UCKL1: variants seen among roughly 807,000 people sequenced by gnomAD.
UCKL1 encodes the protein uridine-cytidine kinase-like 1.
Under a neutral mutation model 59.2 loss-of-function variants are expected in UCKL1, and 65 were observed. The ratio of observed to expected loss-of-function variants is 1.10; its 90% CI spans 0.90 to 1.35. The LOEUF is 1.35. Among genes scored for constraint, UCKL1 ranks in the 40% most tolerant of loss-of-function variants. The probability of loss-of-function intolerance (pLI) is 0.00; values close to 1 mark genes in which losing one functional copy is unlikely to be tolerated. For missense variants in UCKL1, 703 were observed against 784.3 expected (o/e 0.90, Z 1.24); for synonymous variants, 410 against 323.1 (o/e 1.27, Z -2.88).
chr20:63,941,094 C>G lies in UCKL1; in HGVS notation c.1022+16G>C. 2 of 1,599,230 alleles carry G rather than the reference C, an allele frequency of 1.3e-6. No homozygotes were observed. The highest frequency in any genetic ancestry group is 1.7e-6 in the Non-Finnish European group (2 of 1,174,310). ...GCACGCGCCCGGGGCCGCCCCGTCC[C>G]CAGGTGGGCCCTCACCTGATGATGG... On this transcript the variant is annotated intron_variant, in intron 9 of 14. Transcript: ENST00000354216.
intron 1 of UCKL1, among the ~76,000 whole-genome samples, chr20:63,952,916 A>G (rs941926648): frequency 6.6e-6 from 1 of 152,262 alleles, no homozygotes; most frequent in African/African-American, 2.4e-5. Flanking sequence ...CAGATGCCTC[A>G]TCGGTGATCA....
Position 63,944,712 on chromosome 20 carries a change from A to C in UCKL1, c.677T>G (p.Val226Gly). 6.2e-7 allele frequency: 1 copy of C among 1,612,774 alleles called. No homozygotes were observed. The highest frequency in any genetic ancestry group is 1.1e-5 in the South Asian group (1 of 91,084). ...LLELLDMKIFVDTDSDIRLVR... is the reference protein window; with the variant it reads ...LLELLDMKIFGDTDSDIRLVR... ...CAGGCGGATGTCGGAGTCTGTGTCC[A>C]CAAAGATCTTCATGTCCAGGAGCTG... The change falls in exon 6 of 15, where the codon GTG becomes GGG. Residue 226 changes from valine to glycine, a missense_variant. Coordinates refer to ENST00000354216, the MANE Select transcript of UCKL1 (RefSeq NM_017859.4).
intron 1 of UCKL1, among the ~76,000 whole-genome samples, chr20:63,949,142 A>G (rs1406336729): frequency 1.3e-5 from 2 of 152,186 alleles, no homozygotes; most frequent in Non-Finnish European, 2.9e-5. Flanking sequence ...TGCCACCATC[A>G]GGGGAGTGAG....
intron 1 of UCKL1, among the ~76,000 whole-genome samples, chr20:63,952,056 C>T (rs2057718961): frequency 6.6e-6 from 1 of 152,210 alleles, no homozygotes; most frequent in Admixed American, 6.5e-5. Flanking sequence ...TGGGAGCTGC[C>T]TCAGAGGCAG....
At chr20:63,945,350 G>A (rs1174734664) in intron 5 of UCKL1, among the ~76,000 whole-genome samples, 1 of 150,652 alleles carries the variant, frequency 6.6e-6, no homozygotes, top group East Asian at 1.9e-4. Context: ...CCAGCCCTGG[G>A]TCCTCACCTG....
chr20:63,944,474 G>GGGGCGGGTGACCGGGGGCT lies in UCKL1; in HGVS notation c.845-35_845-17dup, dbSNP rs2055582875. 6.3e-7 allele frequency: 1 copy of GGGGCGGGTGACCGGGGGCT among 1,577,748 alleles called. No homozygotes were observed. Among genetic ancestry groups the GGGGCGGGTGACCGGGGGCT allele is most frequent in the Admixed American group, 1.8e-5 (1 of 55,462 alleles). On this transcript the variant is annotated splice_polypyrimidine_tract_variant and intron_variant, in intron 6 of 14. Transcript: ENST00000354216. The stretch of plus-strand genomic sequence containing the variant: ...TTGCCGCTCCCTGGGGCGGGATGGG[G>GGGGCGGGTGACCGGGGGCT]GGGCGGGTGACCGGGGGCTGGGCCG...
rs750279872 is a variant in UCKL1 at position 63,944,738 on chromosome 20, G to T, written c.655-4C>A. On this transcript the variant is annotated splice_region_variant and splice_polypyrimidine_tract_variant and intron_variant, in intron 5 of 14. Transcript: ENST00000354216. ...CAAAGATCTTCATGTCCAGGAGCTG[G>T]TGGAGACAGCGGGCCAGTGAGTGGC... The T allele has an allele frequency of 6.8e-6, 11 of 1,612,124 alleles. No individual in the cohort carries two copies. The highest frequency in any genetic ancestry group is 6.8e-6 in the Non-Finnish European group (8 of 1,179,904).
At chr20:63,941,071 A>G (rs765928719) in intron 9 of UCKL1, 28 bp from the exon 10 acceptor site, 4 of 1,600,280 alleles carry the variant, frequency 2.5e-6, no homozygotes, top group Non-Finnish European at 3.4e-6. Context: ...GAGCGGGAGC[A>G]CGCGCCCGGG....
chr20:63,943,624 A>T, intron 8 of UCKL1, 29 bp downstream of exon 8: 1 of 1,612,614 alleles, frequency 6.2e-7, no homozygotes, highest in African/African-American at 1.3e-5. Flanking sequence ...AAGTGCCTCC[A>T]TCTGTGCAGA....
chr20:63,945,622 C>A, intron 5 of UCKL1, 29 bp downstream of exon 5: 1 of 1,610,218 alleles, frequency 6.2e-7, no homozygotes, highest in Non-Finnish European at 8.5e-7. Flanking sequence ...GAGATACCAG[C>A]GGGGTGGGTA....
At chr20:63,942,783 T>G (rs2054980180) in intron 8 of UCKL1, 1 of 457,294 alleles carries the variant, frequency 2.2e-6, no homozygotes, top group Admixed American at 2.4e-5. Flanking sequence ...TTTCCAAGTT[T>G]GAAACCCTGG....
At position 63,946,156 on chromosome 20, in the gene UCKL1, C is replaced by T. The variant is rs2056131435; in HGVS notation, c.411+5G>A. ...GGTCCTCGGGGGAGCTGGGCGGGGG[C>T]CCACCTTGTAGAAGGAGTCCATGGA... On this transcript the variant is annotated splice_donor_5th_base_variant and intron_variant, in intron 3 of 14. Transcript: ENST00000354216. 4 of 1,611,552 alleles carry T rather than the reference C, an allele frequency of 2.5e-6. No homozygotes were observed. The highest frequency in any genetic ancestry group is 1.6e-4 in the Middle Eastern group (1 of 6,080).
chr20:63,952,550 A>G lies in UCKL1; in HGVS notation c.113+3710T>C, dbSNP rs567803749. ...GGGAGGGGTAGCCTGCCCTGGTCCTATTCACTGGTGTTCCTCCCAGGTTCT... is the reference window on the plus strand; with the variant it reads ...GGGAGGGGTAGCCTGCCCTGGTCCTGTTCACTGGTGTTCCTCCCAGGTTCT... On this transcript the variant is annotated intron_variant, in intron 1 of 14. Coordinates refer to ENST00000354216, the MANE Select transcript of UCKL1 (RefSeq NM_017859.4). Among the ~76,000 whole-genome samples, 7 of 152,256 alleles carry G rather than the reference A, an allele frequency of 4.6e-5. No individual in the cohort carries two copies. The South Asian group carries it at 1.5e-3, about 32-fold the overall frequency.
intron 8 of UCKL1, among the ~76,000 whole-genome samples, chr20:63,943,419 G>C (rs534306281): frequency 6.6e-6 from 1 of 152,184 alleles, no homozygotes; most frequent in African/African-American, 2.4e-5. Context: ...AGCAAAGTCT[G>C]GCCAGGACAG....
chr20:63,956,020 T>G, intron 1 of UCKL1: 1 of 385,008 alleles, frequency 2.6e-6, no homozygotes, highest in South Asian at 4.3e-5. Flanking sequence ...ACGCTGGGGG[T>G]GCGCACCCGG....
At chr20:63,947,669 G>A (rs183182670) in intron 1 of UCKL1, among the ~76,000 whole-genome samples, 21 of 152,356 alleles carry the variant, frequency 1.4e-4, no homozygotes, top group Non-Finnish European at 2.1e-4. Flanking sequence ...TTCTTGCTGT[G>A]GCCCCTCCTG....
In UCKL1 at chr20:63,940,455, T is replaced by C; in HGVS notation, c.1333A>G (p.Ser445Gly). Reference protein sequence around the residue: ...LHYLRLPKDISDDHVILMDCT... With the variant: ...LHYLRLPKDIGDDHVILMDCT... ...TCCATGAGGATCACGTGGTCATCGC[T>C]GATGTCCTTGGGCAGCCTCAGGTAG... The change falls in exon 13 of 15, where the codon AGC becomes GGC. Residue 445 changes from serine to glycine, a missense_variant. Coordinates refer to ENST00000354216, the MANE Select transcript of UCKL1 (RefSeq NM_017859.4). The C allele has an allele frequency of 1.9e-6, 3 of 1,612,170 alleles. No individual in the cohort carries two copies. Among genetic ancestry groups the C allele is most frequent in the Non-Finnish European group, 2.5e-6 (3 of 1,179,756 alleles).
intron 1 of UCKL1, chr20:63,951,249 A>C: frequency 6.1e-6 from 6 of 977,656 alleles, no homozygotes; most frequent in Non-Finnish European, 7.3e-6. Context: ...TGGCCCTGAC[A>C]ATCCTCGGGC....
intron 1 of UCKL1, among the ~76,000 whole-genome samples, chr20:63,947,484 G>T (rs1025505815): frequency 6.6e-6 from 1 of 152,234 alleles, no homozygotes; most frequent in Non-Finnish European, 1.5e-5. Flanking sequence ...CCGAGGGTGA[G>T]GTCCCCAGAC....
Sources: gnomAD v4.1 joint callset for allele counts (sites outside exome capture counted in the v4.1 genomes callset) on GRCh38, gnomAD v4.1.1 for gene constraint, MANE v1.5 for transcripts, NCBI Gene and HGNC (gene_info 2026-07-23, HGNC 2026-07-21) for gene names.